Variants in ACSM4 observed in about 807,000 individuals in gnomAD.
ACSM4 encodes the protein acyl-coenzyme A synthetase ACSM4, mitochondrial.
Under a neutral mutation model 73.0 loss-of-function variants are expected in ACSM4, and 66 were observed. That is an observed-to-expected ratio of 0.90 (90% CI 0.74 to 1.11). ACSM4 has a LOEUF of 1.11. Ranked by LOEUF, ACSM4 falls within the 50% of genes least tolerant of loss-of-function variation. ACSM4 has a pLI of 0.00. For synonymous variants in ACSM4, 222 were observed against 254.0 expected, an observed-to-expected ratio of 0.87 and a Z score of 1.20; for missense variants, 645 against 714.4, an observed-to-expected ratio of 0.90 and a Z score of 1.11.
Position 7,304,434 on chromosome 12 carries a change from C to G in ACSM4, c.103C>G (p.Leu35Val). 7 of 1,614,018 alleles carry G rather than the reference C, an allele frequency of 4.3e-6. No homozygotes were observed. Among genetic ancestry groups the G allele is most frequent in the Non-Finnish European group, 5.9e-6 (7 of 1,179,874 alleles). The change falls in exon 1 of 13, where the codon CTT becomes GTT. Residue 35 changes from leucine (L) to valine (V), a missense_variant. Leu to Val is a conservative substitution (Grantham distance 32). Coordinates refer to ENST00000399422, the MANE Select transcript of ACSM4 (RefSeq NM_001080454.2). Reference sequence around the variant, plus strand: ...TCACCAGCTTTGGACGCCTCTGACTCTTGCTGACTTTGAAGCCATAAATCG... The same window carrying G: ...TCACCAGCTTTGGACGCCTCTGACTGTTGCTGACTTTGAAGCCATAAATCG... ...KDHQLWTPLT[L>V]ADFEAINRCN...
rs141500807 is a variant in ACSM4 at position 7,305,831 on chromosome 12, A to C, written c.202-702A>C. On this transcript the variant is annotated intron_variant, in intron 1 of 12. Coordinates refer to ENST00000399422, the MANE Select transcript of ACSM4 (RefSeq NM_001080454.2). ...AGAAGATAAAAGAAGCATTCCAGATAGGGGAAAGAAGGGAGAGTAATTTTT... is the reference window on the plus strand; with the variant it reads ...AGAAGATAAAAGAAGCATTCCAGATCGGGGAAAGAAGGGAGAGTAATTTTT... 9.3e-4 allele frequency among the ~76,000 whole-genome samples: 142 copies of C among 152,332 alleles called. 1 individual carries two copies. The highest frequency in any genetic ancestry group is 3.2e-3 in the African/African-American group (131 of 41,582).
At chr12:7,321,518 A>T (rs34413928) in intron 6 of ACSM4, among the ~76,000 whole-genome samples, 9,857 of 152,298 alleles carry the variant, frequency 0.065, 405 homozygotes, top group East Asian at 0.16. Context: ...CTCTTTTCCT[A>T]GTCAGTGTCA....
chr12:7,310,630 T>C lies in ACSM4; in HGVS notation c.504T>C (p.Ser168=), dbSNP rs1404444335. Residue 168 remains serine, a synonymous_variant, in exon 3 of 13, where the codon AGT becomes AGC. Coordinates refer to ENST00000399422, the MANE Select transcript of ACSM4 (RefSeq NM_001080454.2). Reference sequence around the variant, plus strand: ...CCAAGGCCAAGTGCATTGTGGCCAGTGAGGAGGTGGCCCCAGCGGTGGAGT... The same window carrying C: ...CCAAGGCCAAGTGCATTGTGGCCAGCGAGGAGGTGGCCCCAGCGGTGGAGT... ...RASKAKCIVA[S]EEVAPAVESI... 1 of 1,613,222 alleles carries C rather than the reference T, an allele frequency of 6.2e-7. No homozygotes were observed. The highest frequency in any genetic ancestry group is 1.3e-5 in the African/African-American group (1 of 75,020).
At chr12:7,304,909 G>C (rs1345354622) in intron 1 of ACSM4, among the ~76,000 whole-genome samples, 1 of 152,222 alleles carries the variant, frequency 6.6e-6, no homozygotes, top group South Asian at 2.1e-4. Context: ...GTAATGAGGA[G>C]AGAATTGGAG....
intron 2 of ACSM4, among the ~76,000 whole-genome samples, chr12:7,307,756 C>T (rs186085390): frequency 1.3e-5 from 2 of 152,096 alleles, no homozygotes; most frequent in Non-Finnish European, 2.9e-5. Flanking sequence ...ATTTATACAC[C>T]GTCTATGGCT....
chr12:7,308,922 T>A (rs1946375215), intron 2 of ACSM4, among the ~76,000 whole-genome samples: 1 of 152,200 alleles, frequency 6.6e-6, no homozygotes, highest in Admixed American at 6.5e-5. Flanking sequence ...GAATCTTTTC[T>A]ATCCTTTGCC....
intron 1 of ACSM4, among the ~76,000 whole-genome samples, chr12:7,305,687 G>A (rs1946357917): frequency 6.6e-6 from 1 of 152,186 alleles, no homozygotes. Flanking sequence ...GAGTCATCTG[G>A]AGTATGAGCA....
chr12:7,304,297 G>A lies in ACSM4; in HGVS notation c.-35G>A. 6.3e-7 allele frequency: 1 copy of A among 1,592,322 alleles called. No individual in the cohort carries two copies. On this transcript the variant is annotated 5_prime_UTR_variant, in exon 1 of 13. The change creates a new upstream start codon in the 5' untranslated region. Coordinates refer to ENST00000399422, the MANE Select transcript of ACSM4 (RefSeq NM_001080454.2). ...TCTCCCTACAGGCTGTAGTACTTCTGTGTCCATAGCAGTAGACAAAGTCCT... is the reference window on the plus strand; with the variant it reads ...TCTCCCTACAGGCTGTAGTACTTCTATGTCCATAGCAGTAGACAAAGTCCT...
intron 2 of ACSM4, among the ~76,000 whole-genome samples, chr12:7,307,201 CT>C (rs891067289): frequency 6.6e-6 from 1 of 152,200 alleles, no homozygotes; most frequent in Non-Finnish European, 1.5e-5. Context: ...TTTCAGTGAG[CT>C]GAGATCTTGC....
intron 2 of ACSM4, 112 bp downstream of exon 2, chr12:7,306,855 A>AAG: frequency 9.4e-7 from 1 of 1,058,816 alleles, no homozygotes; most frequent in Non-Finnish European, 1.3e-6. Flanking sequence ...GACAAAAAAA[A>AAG]AAAAAAAAAG....
At chr12:7,305,556 C>T (rs879453018) in intron 1 of ACSM4, among the ~76,000 whole-genome samples, 8 of 152,148 alleles carry the variant, frequency 5.3e-5, no homozygotes, top group Non-Finnish European at 1.2e-4. Context: ...GGAACTTGAC[C>T]TCATAGAAGC....
At chr12:7,320,937 T>C (rs1946458564) in intron 6 of ACSM4, 133 bp downstream of exon 6, 1 of 816,108 alleles carries the variant, frequency 1.2e-6, no homozygotes, top group South Asian at 1.6e-5. Flanking sequence ...ACCGAATAAT[T>C]CTATCGTCGG....
At chr12:7,315,207 A>C (rs757669443) in intron 3 of ACSM4, among the ~76,000 whole-genome samples, 5 of 152,128 alleles carry the variant, frequency 3.3e-5, no homozygotes, top group African/African-American at 1.2e-4. Context: ...AAAAAAAAAA[A>C]AAAAATCCTC....
chr12:7,311,255 C>T (rs942661595), intron 3 of ACSM4, among the ~76,000 whole-genome samples: 2 of 152,074 alleles, frequency 1.3e-5, no homozygotes, highest in Admixed American at 6.6e-5. Context: ...AAGAAAGGCA[C>T]GTAGCTCTGC....
rs1386598468 is a variant in ACSM4 at position 7,323,624 on chromosome 12, G to A, written c.1308+64G>A. The A allele has an allele frequency of 4.1e-5, 58 of 1,417,926 alleles. No homozygotes were observed. In the Admixed American group the frequency reaches 4.9e-4, roughly 12 times the overall value. The allele number at this position is 1,417,926 out of a possible 1,614,324, so 87.8% of individuals were successfully genotyped here. On this transcript the variant is annotated intron_variant, in intron 9 of 12. Transcript: ENST00000399422. ...CTTGGGTTCAAATTTCATTTCCACC[G>A]TGTCTTGCTATGTAATCTTGGGCAA...
intron 2 of ACSM4, 23 bp downstream of exon 2, chr12:7,306,766 T>TA (rs1340473949): frequency 6.3e-7 from 1 of 1,575,448 alleles, no homozygotes; most frequent in South Asian, 1.1e-5. Context: ...ATTAGCATTC[T>TA]AAATCACACA....
chr12:7,324,027 G>A (rs759055435), intron 9 of ACSM4, among the ~76,000 whole-genome samples: 3 of 151,800 alleles, frequency 2.0e-5, no homozygotes, highest in South Asian at 2.1e-4. Flanking sequence ...AACATAATAC[G>A]GTTAGTCAGG....
chr12:7,313,656 T>C (rs1946402742), intron 3 of ACSM4, among the ~76,000 whole-genome samples: 1 of 152,128 alleles, frequency 6.6e-6, no homozygotes, highest in African/African-American at 2.4e-5. Flanking sequence ...CCGTGTCCTG[T>C]GGGGTCCAGG....
intron 7 of ACSM4, 134 bp downstream of exon 7, chr12:7,322,675 T>C (rs1365187976): frequency 4.3e-6 from 5 of 1,153,138 alleles, no homozygotes; most frequent in Admixed American, 5.9e-5. Context: ...ACCTTGCCAG[T>C]AGTTACCAAA....
Sources: allele counts gnomAD v4.1 joint callset (sites outside exome capture counted in the v4.1 genomes callset), GRCh38; gene constraint gnomAD v4.1.1; transcripts MANE v1.5; gene names NCBI Gene and HGNC (gene_info 2026-07-23, HGNC 2026-07-21).